The following PDE4D variants were observed in gnomAD, a reference collection of about 807,000 sequenced individuals.
The protein encoded by PDE4D is phosphodiesterase 4D.
PDE4D carries 24 observed loss-of-function variants against 87.4 expected under a neutral mutation model. The observed-to-expected ratio is 0.27, with a 90% CI of 0.20 to 0.39. PDE4D has a LOEUF of 0.39. Among genes scored for constraint, PDE4D ranks in the 10% least tolerant of loss-of-function variants. The pLI, the probability that PDE4D is intolerant of heterozygous loss-of-function variation, is 1.00. For missense variants in PDE4D, 714 were observed against 1,041.0 expected, an observed-to-expected ratio of 0.69 and a Z score of 4.32; for synonymous variants, 384 against 383.2, an observed-to-expected ratio of 1.00 and a Z score of -0.02.
At chr5:60,028,021 CCAAA>C (rs1185494194) in intron 2 of PDE4D, among the ~76,000 whole-genome samples, 1 of 152,144 alleles carries the variant, frequency 6.6e-6, no homozygotes, top group Non-Finnish European at 1.5e-5. Flanking sequence ...TCATTCACCT[CCAAA>C]CAGAGGACCC....
chr5:60,324,825 T>A (rs1211689778), intron 1 of PDE4D, among the ~76,000 whole-genome samples: 1 of 152,224 alleles, frequency 6.6e-6, no homozygotes, highest in Non-Finnish European at 1.5e-5. Flanking sequence ...TCATATGGTT[T>A]CACCGTAGGA....
chr5:59,225,777 A>C (rs1209637285), intron 1 of PDE4D, among the ~76,000 whole-genome samples: 1 of 132,626 alleles, frequency 7.5e-6, no homozygotes, highest in African/African-American at 3.3e-5. Flanking sequence ...AATACATAGG[A>C]GCTCCTACAA....
At chr5:59,265,469 G>A (rs1762707711) in intron 1 of PDE4D, among the ~76,000 whole-genome samples, 2 of 152,054 alleles carry the variant, frequency 1.3e-5, no homozygotes, top group South Asian at 4.2e-4. Flanking sequence ...ACTACCTTAT[G>A]GAAAAGAAAC....
chr5:59,384,881 T>A (rs191746848), intron 1 of PDE4D, among the ~76,000 whole-genome samples: 2 of 152,074 alleles, frequency 1.3e-5, no homozygotes, highest in African/African-American at 2.4e-5. Context: ...CCTAGTTACA[T>A]CACAATTTTT....
intron 2 of PDE4D, among the ~76,000 whole-genome samples, chr5:60,158,080 A>G (rs1782147160): frequency 6.6e-6 from 1 of 152,170 alleles, no homozygotes; most frequent in Non-Finnish European, 1.5e-5. Flanking sequence ...TGCATGAGTT[A>G]ATTGCATGCT....
intron 1 of PDE4D, among the ~76,000 whole-genome samples, chr5:59,346,065 T>C (rs967212510): frequency 1.3e-5 from 2 of 152,072 alleles, no homozygotes; most frequent in Non-Finnish European, 2.9e-5. Context: ...ACACTATGAA[T>C]GAATCCCATA....
intron 1 of PDE4D, among the ~76,000 whole-genome samples, chr5:60,445,206 C>T (rs1219576930): frequency 6.6e-6 from 1 of 151,862 alleles, no homozygotes; most frequent in Non-Finnish European, 1.5e-5. Flanking sequence ...AAAGAAACTG[C>T]CAAGAAATGT....
Position 58,971,313 on chromosome 5 carries a change from T to C in PDE4D, c.*3351A>G, listed in dbSNP as rs1171069375. The C allele has an allele frequency of 6.6e-6, 1 of 152,582 alleles. No individual in the cohort carries two copies. Among genetic ancestry groups the C allele is most frequent in the East Asian group, 1.9e-4 (1 of 5,196 alleles). The allele number at this position is 152,582 out of a possible 1,614,324, so 9.5% of individuals were successfully genotyped here. On this transcript the variant is annotated 3_prime_UTR_variant, in exon 15 of 15. Transcript: ENST00000340635. ...CAAGCTCTAAGGTGACAAGACTATA[T>C]TACAGGAGAAAAGAAAAATGTACAG...
In PDE4D at chr5:60,337,145, C is replaced by G. The variant is rs571132758; in HGVS notation, c.-90+150797G>C. On this transcript the variant is annotated intron_variant, in intron 1 of 16. Coordinates refer to the PDE4D transcript ENST00000502484. ...GACCAGCCTGGCCGACATGGTGAAC[C>G]CTGTCTCTACTGAAAATACAAAAAA... 3.5e-5 allele frequency among the ~76,000 whole-genome samples: 5 copies of G among 141,530 alleles called. No individual in the cohort carries two copies. In the East Asian group the frequency reaches 6.2e-4, roughly 17 times the overall value. 92.8% of individuals were successfully genotyped at this position (141,530 alleles called of 152,430 possible). A position where few individuals can be genotyped will look rare whatever the true frequency, so the allele number is the denominator to read the frequency against.
At chr5:59,513,647 C>A (rs1204260398) in intron 1 of PDE4D, among the ~76,000 whole-genome samples, 1 of 152,090 alleles carries the variant, frequency 6.6e-6, no homozygotes, top group Non-Finnish European at 1.5e-5. Flanking sequence ...AAAAAAAAAT[C>A]TCTTTGAATT....
chr5:59,400,784 A>G (rs1281159961), intron 1 of PDE4D, among the ~76,000 whole-genome samples: 2 of 152,176 alleles, frequency 1.3e-5, no homozygotes, highest in African/African-American at 4.8e-5. Context: ...TGAGTTTAGC[A>G]TTTACCAACT....
At chr5:59,098,429 G>GGCTC (rs1179978393) in intron 5 of PDE4D, among the ~76,000 whole-genome samples, 1 of 152,050 alleles carries the variant, frequency 6.6e-6, no homozygotes, top group African/African-American at 2.4e-5. Context: ...TGGGCATGTT[G>GGCTC]GCTCATGCCT....
At chr5:60,015,228 T>C (rs556876424) in intron 2 of PDE4D, among the ~76,000 whole-genome samples, 2 of 152,284 alleles carry the variant, frequency 1.3e-5, no homozygotes, top group African/African-American at 2.4e-5. Flanking sequence ...GGCCCAGCAC[T>C]GTAATGTGAT....
In PDE4D at chr5:60,274,156, C is replaced by T. The variant is rs185887426; in HGVS notation, c.-89-88469G>A. On this transcript the variant is annotated intron_variant, in intron 1 of 16. Transcript: ENST00000502484. ...AAACCTTGAAAGATGGTGAGTCAGG[C>T]AAATATTGATGATGGGGGTAGAGAA... 2.6e-3 allele frequency among the ~76,000 whole-genome samples: 354 copies of T among 138,472 alleles called. 1 individual carries two copies. Among genetic ancestry groups the T allele is most frequent in the Non-Finnish European group, 3.6e-3 (237 of 65,210 alleles). 90.8% of individuals were successfully genotyped at this position (138,472 alleles called of 152,430 possible). A position where few individuals can be genotyped will look rare whatever the true frequency, so the allele number is the denominator to read the frequency against.
chr5:60,397,879 A>T (rs1427441365), intron 1 of PDE4D, among the ~76,000 whole-genome samples: 1 of 152,196 alleles, frequency 6.6e-6, no homozygotes. Context: ...TAATCACATT[A>T]TAGGCAATAA....
chr5:60,183,654 T>C (rs375398639), intron 2 of PDE4D, among the ~76,000 whole-genome samples: 1 of 152,220 alleles, frequency 6.6e-6, no homozygotes, highest in Non-Finnish European at 1.5e-5. Context: ...AACATTTTCT[T>C]TGGATTTCCA....
intron 2 of PDE4D, among the ~76,000 whole-genome samples, chr5:59,205,085 T>C (rs1343092217): frequency 6.6e-6 from 1 of 152,196 alleles, no homozygotes; most frequent in East Asian, 1.9e-4. Context: ...GTCATGCCCT[T>C]GACAAGCTGA....
chr5:59,662,138 G>T (rs1405381954), intron 1 of PDE4D, among the ~76,000 whole-genome samples: 1 of 152,160 alleles, frequency 6.6e-6, no homozygotes, highest in Non-Finnish European at 1.5e-5. Context: ...CGTTGTCAGA[G>T]TTCCAACCAG....
intron 3 of PDE4D, among the ~76,000 whole-genome samples, chr5:59,951,812 A>C (rs181182545): frequency 6.6e-6 from 1 of 152,170 alleles, no homozygotes; most frequent in Non-Finnish European, 1.5e-5. Flanking sequence ...TGTTTCCTCT[A>C]AAGATTATAA....
Sources: allele counts gnomAD v4.1 joint callset (sites outside exome capture counted in the v4.1 genomes callset), GRCh38; gene constraint gnomAD v4.1.1; transcripts MANE v1.5; gene names NCBI Gene and HGNC (gene_info 2026-07-23, HGNC 2026-07-21).